Variants in APOO observed in about 807,000 individuals in gnomAD.
APOO encodes apolipoprotein O, also known as MICOS complex subunit MIC26.
A neutral mutation model predicts 23.1 loss-of-function variants in APOO; 11 were observed. The ratio of observed to expected loss-of-function variants is 0.48; its 90% CI spans 0.30 to 0.79. The LOEUF (loss-of-function observed/expected upper bound fraction) is 0.79, where lower values mean the gene tolerates loss of function less well. APOO is among the 30% of genes least tolerant of loss of function. APOO has a pLI of 0.07. For missense variants in APOO, 160 were observed against 142.7 expected (o/e 1.12, Z -0.62); for synonymous variants, 59 against 54.8 (o/e 1.08, Z -0.34).
At chrX:23,853,228 A>C (rs1359306688) in intron 7 of APOO, among the ~76,000 whole-genome samples, 1 of 111,530 alleles carries the variant, frequency 9.0e-6, no homozygotes, top group Admixed American at 9.6e-5. Context: ...ACTGCACTCC[A>C]GCCTGGGCAA....
intron 5 of APOO, among the ~76,000 whole-genome samples, chrX:23,859,509 T>C (rs1276282645): frequency 9.1e-6 from 1 of 109,809 alleles, no homozygotes; most frequent in Non-Finnish European, 1.9e-5. Context: ...AATGGCGCAA[T>C]CTTGGCTCAC....
chrX:23,847,395 G>A (rs1485253978), intron 7 of APOO, among the ~76,000 whole-genome samples: 2 of 110,985 alleles, frequency 1.8e-5, no homozygotes, highest in Non-Finnish European at 3.8e-5. Context: ...GGGAGGCCGA[G>A]GCGGGCGGAT....
intron 1 of APOO, among the ~76,000 whole-genome samples, chrX:23,902,404 G>T (rs1025899820): frequency 2.7e-5 from 3 of 111,295 alleles, no homozygotes; most frequent in Non-Finnish European, 5.7e-5. Flanking sequence ...GCCAGATTTG[G>T]GACCTCTCTC....
chrX:23,848,311 C>T (rs1017152055), intron 7 of APOO, among the ~76,000 whole-genome samples: 3 of 109,832 alleles, frequency 2.7e-5, no homozygotes, highest in Non-Finnish European at 5.7e-5. Context: ...ACTACAGGCG[C>T]GTGCCACCAC....
chrX:23,898,873 C>A (rs961756727), intron 1 of APOO, among the ~76,000 whole-genome samples: 2 of 112,419 alleles, frequency 1.8e-5, no homozygotes, highest in Admixed American at 9.5e-5. Flanking sequence ...CAAACAAAAA[C>A]AGGCTAGTTC....
chrX:23,853,717 C>T (rs897341817), intron 7 of APOO, among the ~76,000 whole-genome samples: 2 of 110,278 alleles, frequency 1.8e-5, no homozygotes, highest in East Asian at 5.6e-4. Flanking sequence ...ACTCTACCTC[C>T]TGGGCTCATG....
intron 8 of APOO, among the ~76,000 whole-genome samples, chrX:23,835,301 G>C (rs1198969388): frequency 9.1e-6 from 1 of 110,064 alleles, no homozygotes; most frequent in Non-Finnish European, 1.9e-5. Flanking sequence ...GACCTGAGGT[G>C]ATTCACCCGC....
rs147913865 is a variant in APOO, at chrX:23,858,662, G to T, written c.460C>A (p.Gln154Lys). Residue 154 changes from glutamine (Q) to lysine (K), a missense_variant, in exon 6 of 9, where the codon CAA (glutamine) becomes AAA (lysine). Physicochemically the swap from Gln to Lys is moderately conservative, Grantham distance 53. Coordinates refer to ENST00000379226, the MANE Select transcript of APOO (RefSeq NM_024122.5). ...GLAASLYYPQQAIVFAQVSGE... is the reference protein window; with the variant it reads ...GLAASLYYPQKAIVFAQVSGE... Reference sequence around the variant, plus strand: ...CTTACCTGGGCAAACACGATGGCTTGTTGTGGATAATAGAGGGAGGCAGCT... The same window carrying T: ...CTTACCTGGGCAAACACGATGGCTTTTTGTGGATAATAGAGGGAGGCAGCT... 505 of 1,209,419 alleles carry T rather than the reference G, an allele frequency of 4.2e-4. 3 individuals carry two copies. In the African/African-American group the frequency reaches 8.0e-3, roughly 19 times the overall value.
At chrX:23,870,687 A>C (rs773093175) in intron 4 of APOO, among the ~76,000 whole-genome samples, 13 of 109,991 alleles carry the variant, frequency 1.2e-4, no homozygotes, top group Non-Finnish European at 2.1e-4. Context: ...GCTACTTGGG[A>C]GGCTGAGGTG....
At chrX:23,900,629 T>C (rs1436228371) in intron 1 of APOO, among the ~76,000 whole-genome samples, 1 of 97,115 alleles carries the variant, frequency 1.0e-5, no homozygotes, top group South Asian at 4.8e-4. Context: ...GAGCCAAGAC[T>C]GCGCCAGTGC....
chrX:23,861,195 C>A (rs184630956), intron 5 of APOO, among the ~76,000 whole-genome samples: 2 of 110,946 alleles, frequency 1.8e-5, no homozygotes, highest in African/African-American at 6.5e-5. Context: ...CCTGGTGGGA[C>A]GTGACCTGAT....
intron 5 of APOO, among the ~76,000 whole-genome samples, chrX:23,861,060 A>C (rs1258712659): frequency 9.0e-6 from 1 of 110,763 alleles, no homozygotes; most frequent in Admixed American, 9.6e-5. Context: ...GGATTGCTTG[A>C]GCCCAGGAGT....
At chrX:23,867,118 C>T (rs1359932043) in intron 5 of APOO, among the ~76,000 whole-genome samples, 2 of 103,241 alleles carry the variant, frequency 1.9e-5, no homozygotes, top group Admixed American at 1.0e-4. Flanking sequence ...CTAAACGAAA[C>T]GAAACGAAAC....
chrX:23,905,107 A>G (rs1004953856), intron 1 of APOO, among the ~76,000 whole-genome samples: 23 of 109,945 alleles, frequency 2.1e-4, no homozygotes, highest in Non-Finnish European at 4.4e-4. Flanking sequence ...ATCTCAGTTC[A>G]GTCGGGCGCG....
chrX:23,889,993 A>G (rs1249517467), intron 1 of APOO, among the ~76,000 whole-genome samples: 1 of 111,129 alleles, frequency 9.0e-6, no homozygotes, highest in African/African-American at 3.3e-5. Context: ...CATAGATTCT[A>G]ACAGCTTCCC....
intron 3 of APOO, among the ~76,000 whole-genome samples, chrX:23,876,001 C>G (rs991056870): frequency 9.1e-6 from 1 of 109,932 alleles, no homozygotes; most frequent in Admixed American, 9.8e-5. Context: ...CGGTGGCTCA[C>G]GGCTGTAATC....
intron 5 of APOO, among the ~76,000 whole-genome samples, chrX:23,864,992 A>G (rs1168414471): frequency 9.0e-6 from 1 of 110,962 alleles, no homozygotes; most frequent in Non-Finnish European, 1.9e-5. Flanking sequence ...AATGAGCCAG[A>G]GACCCAAGAA....
At chrX:23,877,746 C>A (rs1246976138) in intron 3 of APOO, among the ~76,000 whole-genome samples, 1 of 107,193 alleles carries the variant, frequency 9.3e-6, no homozygotes, top group African/African-American at 3.4e-5. Flanking sequence ...TGCACTCCAG[C>A]CTGGGCGACA....
chrX:23,893,350 G>C (rs1447043137), intron 1 of APOO, among the ~76,000 whole-genome samples: 1 of 109,147 alleles, frequency 9.2e-6, no homozygotes, highest in African/African-American at 3.3e-5. Context: ...GAGAAAACCT[G>C]GGAGGCGGAG....
Sources: gnomAD v4.1 joint callset for allele counts (sites outside exome capture counted in the v4.1 genomes callset) on GRCh38, gnomAD v4.1.1 for gene constraint, MANE v1.5 for transcripts, NCBI Gene and HGNC (gene_info 2026-07-23, HGNC 2026-07-21) for gene names.